Variants in ARHGAP39 observed in about 807,000 individuals in gnomAD.
ARHGAP39 encodes the protein Rho GTPase activating protein 39, also known as rho GTPase-activating protein 39.
Under a neutral mutation model 106.9 loss-of-function variants are expected in ARHGAP39, and 44 were observed. The ratio of observed to expected loss-of-function variants is 0.41; its 90% confidence interval spans 0.32 to 0.53. The LOEUF is 0.53. Among genes scored for constraint, ARHGAP39 ranks in the 20% least tolerant of loss-of-function variants. The pLI is 0.21. For missense variants in ARHGAP39, 1,496 were observed against 1,577.3 expected (o/e 0.95, Z 0.87); for synonymous variants, 768 against 693.2 (o/e 1.11, Z -1.69).
chr8:144,530,676 G>T (rs1816652878), intron 11 of ARHGAP39, 26 bp downstream of exon 11: 1 of 1,553,424 alleles, frequency 6.4e-7, no homozygotes, highest in Non-Finnish European at 8.7e-7. Flanking sequence ...GGGGAAAGCA[G>T]CGGGGACCCC....
chr8:144,595,913 T>A (rs1819603136), intron 2 of ARHGAP39, among the ~76,000 whole-genome samples: 1 of 152,146 alleles, frequency 6.6e-6, no homozygotes, highest in Non-Finnish European at 1.5e-5. Context: ...TCCCAGATGT[T>A]GTCCTCTTTG....
At chr8:144,640,651 A>G (rs1821288551) in intron 1 of ARHGAP39, among the ~76,000 whole-genome samples, 1 of 152,280 alleles carries the variant, frequency 6.6e-6, no homozygotes, top group South Asian at 2.1e-4. Flanking sequence ...ACTTCAATGT[A>G]GATTTAGCAG....
the ARHGAP39 span, chr8:144,698,894 G>T: frequency 2.2e-6 from 1 of 455,906 alleles, no homozygotes; most frequent in South Asian, 1.5e-5. Context: ...CCCTTGGGGG[G>T]GTTGGGGGGT....
intron 3 of ARHGAP39, among the ~76,000 whole-genome samples, chr8:144,580,526 C>T (rs1818932082): frequency 6.6e-6 from 1 of 152,198 alleles, no homozygotes; most frequent in African/African-American, 2.4e-5. Context: ...CAGCCAAGGA[C>T]GAGGCTCTGG....
intron 1 of ARHGAP39, among the ~76,000 whole-genome samples, chr8:144,612,120 G>A (rs1300641650): frequency 6.6e-6 from 1 of 152,174 alleles, no homozygotes; most frequent in Non-Finnish European, 1.5e-5. Context: ...GCAACAGAGT[G>A]AAGTGAGCCA....
the ARHGAP39 span, among the ~76,000 whole-genome samples, chr8:144,698,048 T>C: frequency 6.6e-6 from 1 of 152,226 alleles, no homozygotes; most frequent in Non-Finnish European, 1.5e-5. Flanking sequence ...CTAAACCTCA[T>C]GCTGAGATTT....
Position 144,530,547 on chromosome 8 carries a change from G to A in ARHGAP39, c.3220C>T (p.Pro1074Ser). The A allele has an allele frequency of 1.2e-6, 2 of 1,611,860 alleles. No homozygotes were observed. The highest frequency in any genetic ancestry group is 8.5e-7 in the Non-Finnish European group (1 of 1,179,658). The stretch of plus-strand genomic sequence containing the variant: ...TCGGACTGGCAGCGCAAGCAGTTGG[G>A]CGCCATCACCATGGCCAGGTTGCTG... ...DVSNLAMVMAPNCLRCQSDDP... is the reference protein window; with the variant it reads ...DVSNLAMVMASNCLRCQSDDP... Residue 1074 changes from proline to serine, a missense_variant, in exon 12 of 12, where the codon CCC (proline) becomes TCC (serine). Around this residue, in one of 4 missense-constraint regions of ARHGAP39, gnomAD observed 470 missense variants for 605.1 expected, o/e 0.78. Coordinates refer to ENST00000377307, the MANE Select transcript of ARHGAP39 (RefSeq NM_025251.3).
chr8:144,558,099 C>G (rs915278509), intron 3 of ARHGAP39, among the ~76,000 whole-genome samples: 2 of 152,044 alleles, frequency 1.3e-5, no homozygotes, highest in African/African-American at 4.8e-5. Context: ...GCAACAGTAA[C>G]AACAAAATAC....
At chr8:144,639,641 AC>A (rs1821261580) in intron 1 of ARHGAP39, among the ~76,000 whole-genome samples, 3 of 152,176 alleles carry the variant, frequency 2.0e-5, no homozygotes, top group African/African-American at 7.2e-5. Context: ...CAACATTTTA[AC>A]AAAATGAAGT....
Position 144,590,357 on chromosome 8 carries a change from C to T in ARHGAP39, c.81-9080G>A, listed in dbSNP as rs376318199. 8.5e-5 allele frequency among the ~76,000 whole-genome samples: 13 copies of T among 152,300 alleles called. No homozygotes were observed. The East Asian group carries it at 2.5e-3, about 29-fold the overall frequency. The stretch of plus-strand genomic sequence containing the variant: ...GTGATCCCCAGTGTTGGAGGTGGGG[C>T]CTGGTGGGAGGTGCCTGGGTCGGGG... On this transcript the variant is annotated intron_variant, in intron 2 of 11. Transcript: ENST00000377307.
intron 7 of ARHGAP39, 76 bp downstream of exon 7, chr8:144,537,645 A>C: frequency 1.7e-6 from 2 of 1,202,810 alleles, no homozygotes; most frequent in Non-Finnish European, 2.4e-6. Context: ...GTTAGAGAAG[A>C]GAAGGCCAGG....
intron 2 of ARHGAP39, among the ~76,000 whole-genome samples, chr8:144,603,408 T>C (rs112609583): frequency 0.01 from 1,525 of 152,202 alleles, 19 homozygotes; most frequent in African/African-American, 0.031. Context: ...TAGTTTTGTG[T>C]GCTCAGGCCA....
chr8:144,592,182 G>A (rs1282695989), intron 2 of ARHGAP39, among the ~76,000 whole-genome samples: 1 of 152,154 alleles, frequency 6.6e-6, no homozygotes, highest in African/African-American at 2.4e-5. Context: ...GCACTCCTGC[G>A]CGCGTGTGGG....
At position 144,685,271 on chromosome 8, in the gene ARHGAP39, CA is replaced by C. The variant is rs1388851474; in HGVS notation, c.-82+414del. Among the ~76,000 whole-genome samples, 4 of 147,332 alleles carry C rather than the reference CA, an allele frequency of 2.7e-5. No individual in the cohort carries two copies. In the East Asian group the frequency reaches 6.1e-4, roughly 22 times the overall value. On this transcript the variant is annotated intron_variant, in intron 1 of 11. Transcript: ENST00000377307. Reference sequence around the variant, plus strand: ...GGGGCACACTCACACTCACTCTGGACAGGGGCACACCCACACCCACATTGGG... The same window carrying C: ...GGGGCACACTCACACTCACTCTGGACGGGGCACACCCACACCCACATTGGG...
At chr8:144,649,437 G>A (rs1308466192) in intron 1 of ARHGAP39, among the ~76,000 whole-genome samples, 2 of 151,876 alleles carry the variant, frequency 1.3e-5, no homozygotes, top group East Asian at 1.9e-4. Context: ...GTGACAGAGC[G>A]AGACTCCGTC....
chr8:144,655,439 G>A (rs1209957061), intron 1 of ARHGAP39, among the ~76,000 whole-genome samples: 3 of 151,900 alleles, frequency 2.0e-5, no homozygotes, highest in Non-Finnish European at 2.9e-5. Context: ...CCCAATCCAG[G>A]GCTTCTTCTC....
chr8:144,681,927 C>G (rs1029820763), intron 1 of ARHGAP39, among the ~76,000 whole-genome samples: 2 of 152,174 alleles, frequency 1.3e-5, no homozygotes, highest in Non-Finnish European at 2.9e-5. Flanking sequence ...AGGACCATCT[C>G]CTTGAGAAAT....
intron 1 of ARHGAP39, among the ~76,000 whole-genome samples, chr8:144,629,495 G>C (rs1821009399): frequency 6.6e-6 from 1 of 152,244 alleles, no homozygotes; most frequent in Non-Finnish European, 1.5e-5. Flanking sequence ...TGGGGCTGGG[G>C]ACAGCCAAGT....
Position 144,585,542 on chromosome 8 carries a change from T to C in ARHGAP39, c.81-4265A>G, listed in dbSNP as rs1003134076. On this transcript the variant is annotated intron_variant, in intron 2 of 11. Transcript: ENST00000377307. The surrounding 1 kb of genome is among the most constrained non-coding windows in gnomAD (Gnocchi z 4.6). ...GGCAACTCTCCCTGGAGACAACCCTTGGCCTCAGCCCATGATACAAAGTGT... is the reference window on the plus strand; with the variant it reads ...GGCAACTCTCCCTGGAGACAACCCTCGGCCTCAGCCCATGATACAAAGTGT... Among the ~76,000 whole-genome samples, 17 of 152,144 alleles carry C rather than the reference T, an allele frequency of 1.1e-4. No homozygotes were observed. In the East Asian group the frequency reaches 2.7e-3, roughly 24 times the overall value.
Sources: gnomAD v4.1 joint callset for allele counts (sites outside exome capture counted in the v4.1 genomes callset) on GRCh38, gnomAD v4.1.1 for gene constraint, gnomAD v4.1.1 regional missense constraint, Gnocchi (gnomAD v3.1) non-coding constraint, MANE v1.5 for transcripts, NCBI Gene and HGNC (gene_info 2026-07-23, HGNC 2026-07-21) for gene names.